UST: variants seen among roughly 807,000 people sequenced by gnomAD.
UST encodes the protein chondroitin sulfate 2-O-sulfotransferase.
Under a neutral mutation model 45.6 loss-of-function variants are expected in UST, and 21 were observed. The ratio of observed to expected loss-of-function variants is 0.46; its 90% confidence interval spans 0.33 to 0.66. The LOEUF (loss-of-function observed/expected upper bound fraction) is 0.66. Ranked by LOEUF, UST falls within the 30% of genes least tolerant of loss-of-function variation. UST has a pLI of 0.02. For missense variants in UST, 463 were observed against 512.4 expected (o/e 0.90, Z 0.93); for synonymous variants, 215 against 200.6 (o/e 1.07, Z -0.61).
intron 1 of UST, among the ~76,000 whole-genome samples, chr6:148,816,028 G>A (rs1426442963): frequency 6.6e-6 from 1 of 152,118 alleles, no homozygotes; most frequent in Non-Finnish European, 1.5e-5. Flanking sequence ...AACTCTTTAA[G>A]GGAGATTGGC....
At chr6:148,887,562 G>A (rs1778936086) in intron 2 of UST, among the ~76,000 whole-genome samples, 2 of 152,218 alleles carry the variant, frequency 1.3e-5, no homozygotes, top group Admixed American at 1.3e-4. Flanking sequence ...CTTTAGTATA[G>A]TTTCCCTAAC....
intron 1 of UST, among the ~76,000 whole-genome samples, chr6:148,878,978 A>G (rs1031710934): frequency 2.0e-5 from 3 of 152,084 alleles, no homozygotes; most frequent in Non-Finnish European, 4.4e-5. Context: ...CTTTTTACCC[A>G]TAAAACAAGA....
chr6:148,952,467 A>G (rs762914588), intron 3 of UST, among the ~76,000 whole-genome samples: 1 of 152,206 alleles, frequency 6.6e-6, no homozygotes, highest in Non-Finnish European at 1.5e-5. Context: ...CATTCCTTCA[A>G]TCGTTGTGAG....
At chr6:148,945,286 A>G (rs183314206) in intron 3 of UST, among the ~76,000 whole-genome samples, 2 of 152,310 alleles carry the variant, frequency 1.3e-5, no homozygotes, top group Admixed American at 6.5e-5. Flanking sequence ...TTCCAAATAC[A>G]TTGTAATGAC....
intron 2 of UST, among the ~76,000 whole-genome samples, chr6:148,892,651 T>A (rs887500754): frequency 2.0e-5 from 3 of 152,222 alleles, no homozygotes; most frequent in Non-Finnish European, 4.4e-5. Flanking sequence ...ATGCAGCTAG[T>A]GGTTACTGTC....
intron 2 of UST, among the ~76,000 whole-genome samples, chr6:148,915,187 C>A (rs1394820169): frequency 6.6e-6 from 1 of 152,132 alleles, no homozygotes; most frequent in Non-Finnish European, 1.5e-5. Context: ...CACAAACATT[C>A]AAATGATAGC....
chr6:148,861,032 C>T (rs1365462421), intron 1 of UST, among the ~76,000 whole-genome samples: 1 of 152,084 alleles, frequency 6.6e-6, no homozygotes, highest in African/African-American at 2.4e-5. Flanking sequence ...GGGAGGATTC[C>T]CTCTTTTTCT....
At chr6:148,863,440 G>A (rs528040478) in intron 1 of UST, among the ~76,000 whole-genome samples, 7 of 152,090 alleles carry the variant, frequency 4.6e-5, no homozygotes, top group African/African-American at 7.2e-5. Flanking sequence ...CGATGGGTTC[G>A]AGCATCCTCC....
Position 148,781,131 on chromosome 6 carries a change from G to A in UST, c.247+33454G>A, listed in dbSNP as rs931137245. Among the ~76,000 whole-genome samples the A allele has an allele frequency of 6.6e-5, 10 of 152,212 alleles. 1 individual carries two copies. Among genetic ancestry groups the A allele is most frequent in the African/African-American group, 2.4e-4 (10 of 41,458 alleles). On this transcript the variant is annotated intron_variant, in intron 1 of 7. Coordinates refer to ENST00000367463, the MANE Select transcript of UST (RefSeq NM_005715.3). Reference sequence around the variant, plus strand: ...AGAAAGCTAGAAATGATTAAGCTTAGTGAGGAAGGCATGTTGAAAGCTGAA... The same window carrying A: ...AGAAAGCTAGAAATGATTAAGCTTAATGAGGAAGGCATGTTGAAAGCTGAA...
At chr6:148,747,701 G>C in intron 1 of UST, 24 bp downstream of exon 1, 1 of 1,564,648 alleles carries the variant, frequency 6.4e-7, no homozygotes, top group Non-Finnish European at 8.6e-7. Context: ...GCAGGCGCTA[G>C]GGCGGCGCCG....
At chr6:148,869,347 A>G (rs183997057) in intron 1 of UST, among the ~76,000 whole-genome samples, 30 of 152,316 alleles carry the variant, frequency 2.0e-4, no homozygotes, top group Admixed American at 1.2e-3. Context: ...AGAACTAGAG[A>G]GATGATAGGA....
At chr6:148,998,892 G>GGCAGCACTT (rs1372984015) in intron 5 of UST, among the ~76,000 whole-genome samples, 1 of 152,198 alleles carries the variant, frequency 6.6e-6, no homozygotes, top group African/African-American at 2.4e-5. Context: ...GGTTAACCAA[G>GGCAGCACTT]GCAGCACTTG....
chr6:148,791,500 G>A (rs1776847082), intron 1 of UST, among the ~76,000 whole-genome samples: 1 of 152,184 alleles, frequency 6.6e-6, no homozygotes, highest in African/African-American at 2.4e-5. Context: ...TCAGAGAAAT[G>A]CCACTCGAGG....
chr6:149,023,150 G>GT (rs71007933), intron 7 of UST, among the ~76,000 whole-genome samples: 99 of 138,656 alleles, frequency 7.1e-4, no homozygotes, highest in African/African-American at 2.0e-3. Flanking sequence ...GTGTGTGTGT[G>GT]GTGTGGTGTG....
chr6:148,817,010 G>A (rs1366373515), intron 1 of UST, among the ~76,000 whole-genome samples: 2 of 152,148 alleles, frequency 1.3e-5, no homozygotes, highest in South Asian at 2.1e-4. Flanking sequence ...CCAGATTCCC[G>A]GGCCCCACTC....
At chr6:149,005,497 C>T in intron 5 of UST, 1 of 985,386 alleles carries the variant, frequency 1.0e-6, no homozygotes, top group Non-Finnish European at 1.2e-6. Context: ...CCGAACTTTG[C>T]TCATTTAATG....
At chr6:148,946,814 A>C (rs1349193763) in intron 3 of UST, among the ~76,000 whole-genome samples, 22 of 28,736 alleles carry the variant, frequency 7.7e-4, no homozygotes, top group East Asian at 7.4e-3. Flanking sequence ...ACTCCATCCC[A>C]AAAAAAAAAA....
At chr6:148,849,857 C>G (rs1778071159) in intron 1 of UST, among the ~76,000 whole-genome samples, 1 of 152,112 alleles carries the variant, frequency 6.6e-6, no homozygotes. Flanking sequence ...GTATCAGATG[C>G]AGACCGAAAG....
At chr6:148,924,896 A>G (rs1209438396) in intron 2 of UST, among the ~76,000 whole-genome samples, 2 of 152,180 alleles carry the variant, frequency 1.3e-5, no homozygotes, top group Non-Finnish European at 2.9e-5. Context: ...GAGATTCTAA[A>G]TAAGAAAAGC....
Sources: gnomAD v4.1 joint callset for allele counts (sites outside exome capture counted in the v4.1 genomes callset) on GRCh38, gnomAD v4.1.1 for gene constraint, MANE v1.5 for transcripts, NCBI Gene and HGNC (gene_info 2026-07-23, HGNC 2026-07-21) for gene names.